Variants in RIMS2 observed in about 807,000 individuals in gnomAD.
RIMS2 encodes regulating synaptic membrane exocytosis 2.
Under a neutral mutation model 174.4 loss-of-function variants are expected in RIMS2, and 59 were observed. That is an observed-to-expected ratio of 0.34 (90% CI 0.27 to 0.42). The LOEUF (loss-of-function observed/expected upper bound fraction) is 0.42. RIMS2 is among the 10% of genes least tolerant of loss of function. The pLI is 1.00. For synonymous variants in RIMS2, 606 were observed against 572.5 expected, an observed-to-expected ratio of 1.06 and a Z score of -0.84; for missense variants, 1,620 against 1,666.3, an observed-to-expected ratio of 0.97 and a Z score of 0.48.
Position 103,915,483 on chromosome 8 carries a change from T to C in RIMS2, c.1813-12T>C. The C allele has an allele frequency of 1.3e-6, 2 of 1,518,456 alleles. No homozygotes were observed. 94.1% of individuals were successfully genotyped at this position (1,518,456 alleles called of 1,614,324 possible). The stretch of plus-strand genomic sequence containing the variant: ...CAATATTCCCATGTTAATACTTTCC[T>C]CTTTTAAACAGGTTGTAGGAGGAAA... On this transcript the variant is annotated splice_polypyrimidine_tract_variant and intron_variant, in intron 6 of 23. Transcript: ENST00000504942.
chr8:104,214,484 G>C (rs1379130998), intron 19 of RIMS2, among the ~76,000 whole-genome samples: 1 of 151,970 alleles, frequency 6.6e-6, no homozygotes, highest in Non-Finnish European at 1.5e-5. Context: ...GCCTCACTCT[G>C]TCACCCAGGC....
intron 19 of RIMS2, among the ~76,000 whole-genome samples, chr8:104,036,140 T>A (rs901520439): frequency 1.1e-3 from 85 of 79,412 alleles, no homozygotes; most frequent in Non-Finnish European, 2.0e-3. Context: ...TTATTTTATT[T>A]ATTTATTTAT....
chr8:103,947,333 T>G (rs1669853994), intron 14 of RIMS2, among the ~76,000 whole-genome samples: 1 of 152,132 alleles, frequency 6.6e-6, no homozygotes, highest in Admixed American at 6.5e-5. Flanking sequence ...GAAAATACAG[T>G]CATGTGGCAG....
intron 3 of RIMS2, among the ~76,000 whole-genome samples, chr8:103,862,079 G>T (rs2099061836): frequency 6.6e-6 from 1 of 151,814 alleles, no homozygotes; most frequent in Non-Finnish European, 1.5e-5. Context: ...ATTTTTCCTA[G>T]GCTGTTTTCT....
chr8:104,057,829 T>A, intron 19 of RIMS2, among the ~76,000 whole-genome samples: 1 of 150,962 alleles, frequency 6.6e-6, no homozygotes. Context: ...TTTGGTTTTT[T>A]GTCCTTGCGA....
intron 1 of RIMS2, among the ~76,000 whole-genome samples, chr8:103,595,956 C>G: frequency 6.6e-6 from 1 of 151,918 alleles, no homozygotes; most frequent in Non-Finnish European, 1.5e-5. Flanking sequence ...TTCAATATTT[C>G]TCTCTCTTAC....
chr8:104,000,246 C>G (rs2095325277), intron 17 of RIMS2, among the ~76,000 whole-genome samples: 1 of 151,670 alleles, frequency 6.6e-6, no homozygotes, highest in African/African-American at 2.4e-5. Flanking sequence ...CCATTCTATT[C>G]ACTGCCTCCA....
downstream of RIMS2, chr8:104,256,083 CT>C (rs2099366977): frequency 1.3e-5 from 2 of 152,202 alleles, no homozygotes; most frequent in African/African-American, 4.8e-5. Context: ...CAATAAACAT[CT>C]GTCCAATGAA....
rs532798021 is a variant in RIMS2 at position 103,757,430 on chromosome 8, T to C, written c.388-8797T>C. ...TGGTTTAATCTCCCCTTTGTCATGGTAGGTTCGTCTTTATTCATTTCTTTC... is the reference window on the plus strand; with the variant it reads ...TGGTTTAATCTCCCCTTTGTCATGGCAGGTTCGTCTTTATTCATTTCTTTC... On this transcript the variant is annotated intron_variant, in intron 2 of 23. Coordinates refer to ENST00000504942, the Ensembl canonical transcript of RIMS2. Among the ~76,000 whole-genome samples, 10 of 152,294 alleles carry C rather than the reference T, an allele frequency of 6.6e-5. No homozygotes were observed. In the South Asian group the frequency reaches 1.2e-3, roughly 19 times the overall value.
chr8:104,004,776 CA>C (rs1216884624), intron 17 of RIMS2, among the ~76,000 whole-genome samples: 5 of 152,116 alleles, frequency 3.3e-5, no homozygotes, highest in Non-Finnish European at 7.4e-5. Context: ...ACTAAACACA[CA>C]GATGGATTTT....
intron 17 of RIMS2, among the ~76,000 whole-genome samples, chr8:104,000,950 A>G (rs1487764338): frequency 1.3e-5 from 2 of 151,842 alleles, no homozygotes; most frequent in Non-Finnish European, 2.9e-5. Context: ...AGTTCCTTAT[A>G]TATTCTGTTT....
intron 3 of RIMS2, among the ~76,000 whole-genome samples, chr8:103,805,609 A>G (rs2098644935): frequency 1.3e-5 from 2 of 152,130 alleles, no homozygotes; most frequent in Admixed American, 6.6e-5. Flanking sequence ...TTGCTTACCT[A>G]ATTACACAGT....
rs71575988 is a variant in RIMS2 at position 103,967,170 on chromosome 8, G to GTTTTTTT, written c.2770+6061_2770+6067dup. 9.4e-3 allele frequency among the ~76,000 whole-genome samples: 234 copies of GTTTTTTT among 24,982 alleles called. 52 individuals are homozygous for GTTTTTTT. Among genetic ancestry groups the GTTTTTTT allele is most frequent in the African/African-American group, 0.02 (96 of 4,748 alleles). 16.4% of individuals were successfully genotyped at this position (24,982 alleles called of 152,430 possible). On this transcript the variant is annotated intron_variant, in intron 15 of 23. Transcript: ENST00000504942. ...TTTTCTGCCTGCTTGATCTGTTCTTGTTTTTTTTTTTTTTTTTTTTTTTTT... is the reference window on the plus strand; with the variant it reads ...TTTTCTGCCTGCTTGATCTGTTCTTGTTTTTTTTTTTTTTTTTTTTTTTTTTTTTTTT...
chr8:103,527,931 G>T (rs1834912158), intron 1 of RIMS2, among the ~76,000 whole-genome samples: 1 of 152,152 alleles, frequency 6.6e-6, no homozygotes, highest in Admixed American at 6.5e-5. Context: ...GGGTCAAATG[G>T]TATTTCTGGT....
chr8:104,053,824 GAGA>G (rs1377828652), intron 19 of RIMS2, among the ~76,000 whole-genome samples: 1 of 152,112 alleles, frequency 6.6e-6, no homozygotes, highest in Non-Finnish European at 1.5e-5. Flanking sequence ...CAGTGACAAA[GAGA>G]AGGATATAGA....
chr8:103,590,072 C>T (rs1294203987), intron 1 of RIMS2, among the ~76,000 whole-genome samples: 1 of 151,308 alleles, frequency 6.6e-6, no homozygotes, highest in Non-Finnish European at 1.5e-5. Context: ...TTTGAAATAA[C>T]TTAGAGGGTA....
intron 1 of RIMS2, among the ~76,000 whole-genome samples, chr8:103,615,984 A>C (rs919260455): frequency 6.6e-6 from 1 of 152,178 alleles, no homozygotes; most frequent in Non-Finnish European, 1.5e-5. Context: ...CTATTTGAAA[A>C]AATCGAGGAG....
At chr8:103,727,243 C>T (rs146895267) in intron 2 of RIMS2, among the ~76,000 whole-genome samples, 360 of 151,630 alleles carry the variant, frequency 2.4e-3, no homozygotes, top group African/African-American at 8.4e-3. Context: ...TAATAGTTTA[C>T]CTTCTTCTTT....
chr8:103,618,972 G>A (rs538030526), intron 1 of RIMS2, among the ~76,000 whole-genome samples: 1 of 151,750 alleles, frequency 6.6e-6, no homozygotes, highest in Non-Finnish European at 1.5e-5. Flanking sequence ...AGGCAAAAAG[G>A]TAGAGAAATA....
Sources: gnomAD v4.1 joint callset for allele counts (sites outside exome capture counted in the v4.1 genomes callset) on GRCh38, gnomAD v4.1.1 for gene constraint, MANE v1.5 for transcripts, NCBI Gene and HGNC (gene_info 2026-07-23, HGNC 2026-07-21) for gene names.